TTC16: variants seen among roughly 807,000 people sequenced by gnomAD.
The protein encoded by TTC16 is tetratricopeptide repeat domain 16, also known as tetratricopeptide repeat protein 16.
Under a neutral mutation model 80.4 loss-of-function variants are expected in TTC16, and 66 were observed. The ratio of observed to expected loss-of-function variants is 0.82; its 90% CI spans 0.67 to 1.01. The LOEUF (loss-of-function observed/expected upper bound fraction) is 1.01. Among genes scored for constraint, TTC16 ranks in the 50% least tolerant of loss-of-function variants. The probability of loss-of-function intolerance (pLI) is 0.00; values close to 1 mark genes in which losing one functional copy is unlikely to be tolerated. For missense variants in TTC16, 1,070 were observed against 1,103.2 expected (o/e 0.97, Z 0.43); for synonymous variants, 438 against 451.3 (o/e 0.97, Z 0.37).
rs139811138 is a variant in TTC16, at chr9:127,718,656, G to A, written c.426+884G>A. On this transcript the variant is annotated intron_variant, in intron 4 of 13. Transcript: ENST00000373289. The surrounding 1 kb of genome is among the most constrained non-coding windows in gnomAD (Gnocchi z 4.6). ...GTCACCGAGGCTGGAGCGCAATGGCGCAATCTCAGCTCACAACCTCCACCT... is the reference window on the plus strand; with the variant it reads ...GTCACCGAGGCTGGAGCGCAATGGCACAATCTCAGCTCACAACCTCCACCT... Among the ~76,000 whole-genome samples the A allele has an allele frequency of 5.4e-3, 812 of 151,428 alleles. 5 individuals are homozygous for A. Among genetic ancestry groups the A allele is most frequent in the Non-Finnish European group, 9.4e-3 (641 of 67,876 alleles).
intron 9 of TTC16, among the ~76,000 whole-genome samples, chr9:127,725,142 T>C (rs1843830427): frequency 6.6e-6 from 1 of 152,126 alleles, no homozygotes; most frequent in Admixed American, 6.5e-5. Flanking sequence ...GGCGTGGTGG[T>C]GTGTGCCTGT....
intron 6 of TTC16, among the ~76,000 whole-genome samples, chr9:127,720,888 C>T (rs867713836): frequency 1.0e-3 from 42 of 41,920 alleles, no homozygotes; most frequent in African/African-American, 4.5e-3. Flanking sequence ...CCTTCCCCTT[C>T]CTCCCTCCTC....
At position 127,731,113 on chromosome 9, in the gene TTC16, C is replaced by A; in HGVS notation, c.2330C>A (p.Ala777Asp). 1 of 1,611,658 alleles carries A rather than the reference C, an allele frequency of 6.2e-7. No homozygotes were observed. Among genetic ancestry groups the A allele is most frequent in the Non-Finnish European group, 8.5e-7 (1 of 1,179,374 alleles). Residue 777 changes from alanine to aspartate, a missense_variant, in exon 14 of 14, where the codon GCT becomes GAT. By Grantham distance (126) the Ala-to-Asp change is moderately radical (BLOSUM62 -2). Transcript: ENST00000373289. ...AGGCAGAGGCCCAGAAAGGTCAAGG[C>A]TGCTCGTGGCCGGAGCTGGAGACCC... ...SPRQRPRKVK[A>D]ARGRSWRPSK...
chr9:127,729,863 G>A (rs1844256826), intron 13 of TTC16, 195 bp downstream of exon 13: 2 of 587,482 alleles, frequency 3.4e-6, no homozygotes, highest in Admixed American at 2.9e-5. Flanking sequence ...CTTGCTCCAG[G>A]CACTTCATGG....
chr9:127,723,380 C>A, intron 7 of TTC16, 47 bp downstream of exon 7: 4 of 1,568,886 alleles, frequency 2.5e-6, no homozygotes, highest in African/African-American at 1.4e-5. Context: ...TCCTGCCCAG[C>A]CAGACTTTCT....
Position 127,731,369 on chromosome 9 carries a change from G to A in TTC16, c.2586G>A (p.Glu862=). 2.5e-6 allele frequency: 4 copies of A among 1,612,896 alleles called. No homozygotes were observed. The highest frequency in any genetic ancestry group is 1.3e-5 in the African/African-American group (1 of 75,054). ...CCAGCCCAAGTCTCAGCAAAACTGA[G>A]GTTGATCAGGACCTCACCTACTATG... ...WGPSPSLSKT[E]VDQDLTYYEA... is the part of the protein sequence containing the mutation. Residue 862 remains glutamate (E), a synonymous_variant, in exon 14 of 14, where the codon GAG becomes GAA. Coordinates refer to ENST00000373289, the MANE Select transcript of TTC16 (RefSeq NM_144965.3).
chr9:127,730,139 C>G (rs1844283929), intron 13 of TTC16: 1 of 216,112 alleles, frequency 4.6e-6, no homozygotes, highest in Non-Finnish European at 9.3e-6. Flanking sequence ...GGCCTGTGCT[C>G]AATACTAGGC....
At chr9:127,730,429 C>T (rs1844318061) in intron 13 of TTC16, 3 of 663,404 alleles carry the variant, frequency 4.5e-6, no homozygotes, top group Admixed American at 5.9e-5. Flanking sequence ...GAGAAGGGGG[C>T]TCCTAGGCAT....
At chr9:127,717,047 G>A (rs751034166) in intron 2 of TTC16, 31 bp downstream of exon 2, 1 of 1,605,994 alleles carries the variant, frequency 6.2e-7, no homozygotes, top group Non-Finnish European at 8.5e-7. Flanking sequence ...GGGGTCCCAG[G>A]TTCCTGCCCG....
rs538633076 is a variant in TTC16, at chr9:127,720,161, A to G, written c.510A>G (p.Pro170=). The G allele has an allele frequency of 6.2e-7, 1 of 1,613,782 alleles. No individual in the cohort carries two copies. Among genetic ancestry groups the G allele is most frequent in the South Asian group, 1.1e-5 (1 of 91,086 alleles). The change falls in exon 5 of 14, where the codon CCA becomes CCG. Residue 170 remains proline, a synonymous_variant. Transcript: ENST00000373289. The part of the protein sequence containing the change: ...SHAAELQPEK[P]CFRYRCMACL... The stretch of plus-strand genomic sequence containing the variant: ...CTGCTGAGCTCCAGCCTGAGAAACC[A>G]TGCTTCCGTTACCGATGGTGAGTGC...
chr9:127,730,306 A>T (rs1370904967), intron 13 of TTC16: 1 of 388,118 alleles, frequency 2.6e-6, no homozygotes, highest in East Asian at 4.9e-5. Context: ...GGGGACGAGG[A>T]TGGAAAAGCA....
chr9:127,724,908 TC>T lies in TTC16; in HGVS notation c.1259+14del. The T allele has an allele frequency of 6.7e-7, 1 of 1,501,938 alleles. No homozygotes were observed. The highest frequency in any genetic ancestry group is 8.9e-7 in the Non-Finnish European group (1 of 1,129,150). The allele number at this position is 1,501,938 out of a possible 1,614,324, so 93.0% of individuals were successfully genotyped here. On this transcript the variant is annotated intron_variant, in intron 9 of 13. Coordinates refer to ENST00000373289, the MANE Select transcript of TTC16 (RefSeq NM_144965.3). The stretch of plus-strand genomic sequence containing the variant: ...CGAGCAGAGGCGCAAGTGCGTGGGC[TC>T]CCGCCCCCACGGTGGGCGGGGCAGG...
intron 6 of TTC16, 93 bp downstream of exon 6, chr9:127,720,488 G>A (rs1843363584): frequency 6.6e-7 from 1 of 1,526,082 alleles, no homozygotes; most frequent in African/African-American, 1.4e-5. Flanking sequence ...CTGTCAGCCA[G>A]CCCAGAAGCC....
intron 6 of TTC16, 23 bp downstream of exon 6, chr9:127,720,418 G>C: frequency 6.2e-7 from 1 of 1,609,662 alleles, no homozygotes. Context: ...GGGCGGGCAG[G>C]GGCATGCCCC....
At position 127,723,137 on chromosome 9, in the gene TTC16, G is replaced by T; in HGVS notation, c.676G>T (p.Asp226Tyr). ...CCTGCAGCCCCACCTCTGCTACCGG[G>T]ACCTGCACAGCGCCTTGCTGTTGAA... ...FLQKPHLCYR[D>Y]LHSALLLNPK... The change falls in exon 7 of 14, where the codon GAC becomes TAC. Residue 226 changes from aspartate to tyrosine, a missense_variant. Transcript: ENST00000373289. 1 of 1,611,952 alleles carries T rather than the reference G, an allele frequency of 6.2e-7. No individual in the cohort carries two copies. Among genetic ancestry groups the T allele is most frequent in the Non-Finnish European group, 8.5e-7 (1 of 1,179,972 alleles).
intron 7 of TTC16, 62 bp downstream of exon 7, chr9:127,723,395 G>A (rs1264736301): frequency 3.9e-6 from 6 of 1,523,150 alleles, no homozygotes; most frequent in African/African-American, 1.4e-5. Flanking sequence ...CTTTCTGTGT[G>A]GTTTAAGGAG....
intron 12 of TTC16, chr9:127,728,735 C>T (rs1440291794): frequency 6.6e-6 from 1 of 152,214 alleles, no homozygotes; most frequent in Non-Finnish European, 1.5e-5. Flanking sequence ...TCATTTGAGG[C>T]TGCAGTGAGC....
rs1174638917 is a variant in TTC16 at position 127,724,866 on chromosome 9, G to A, written c.1228G>A (p.Glu410Lys). The A allele has an allele frequency of 1.9e-6, 3 of 1,575,552 alleles. No homozygotes were observed. Among genetic ancestry groups the A allele is most frequent in the South Asian group, 2.3e-5 (2 of 86,980 alleles). ...CAACACGCGCATGGGCCTGCTGCAGGAGAAGATGGGCTTCTGCGAGCAGAG... is the reference window on the plus strand; with the variant it reads ...CAACACGCGCATGGGCCTGCTGCAGAAGAAGATGGGCTTCTGCGAGCAGAG... The part of the protein sequence containing the change: ...GANTRMGLLQ[E>K]KMGFCEQRRK... Residue 410 changes from glutamate to lysine, a missense_variant, in exon 9 of 14, where the codon GAG (glutamate) becomes AAG (lysine). Coordinates refer to ENST00000373289, the MANE Select transcript of TTC16 (RefSeq NM_144965.3).
At chr9:127,717,821 C>G in intron 4 of TTC16, 49 bp downstream of exon 4, 1 of 1,577,006 alleles carries the variant, frequency 6.3e-7, no homozygotes, top group Non-Finnish European at 8.6e-7. Flanking sequence ...TCACACTTCT[C>G]AGGGGCTCTC....
Sources: allele counts gnomAD v4.1 joint callset (sites outside exome capture counted in the v4.1 genomes callset), GRCh38; gene constraint gnomAD v4.1.1; non-coding constraint Gnocchi (gnomAD v3.1); transcripts MANE v1.5; gene names NCBI Gene and HGNC (gene_info 2026-07-23, HGNC 2026-07-21).